TGFBR1: variants seen among roughly 807,000 people sequenced by gnomAD.
TGFBR1 encodes the protein TGF-beta receptor type-1.
Under a neutral mutation model 55.1 loss-of-function variants are expected in TGFBR1, and 20 were observed. That is an observed-to-expected ratio of 0.36 (90% CI 0.26 to 0.53). TGFBR1 has a LOEUF of 0.53. Among genes scored for constraint, TGFBR1 ranks in the 20% least tolerant of loss-of-function variants. The probability of loss-of-function intolerance (pLI) is 0.91; values close to 1 mark genes in which losing one functional copy is unlikely to be tolerated. For synonymous variants in TGFBR1, 220 were observed against 214.8 expected (o/e 1.02, Z -0.21); for missense variants, 385 against 617.6 (o/e 0.62, Z 3.99).
chr9:99,149,879 G>A lies in TGFBR1; in HGVS notation c.*574G>A, dbSNP rs201687617. On this transcript the variant is annotated 3_prime_UTR_variant, in exon 9 of 9. Coordinates refer to ENST00000374994, the MANE Select transcript of TGFBR1 (RefSeq NM_004612.4). ...AACATAATTCATGCAATTGTATTTT[G>A]TATACTATTATTGTTCTTTCACTTA... is the stretch of plus-strand genomic sequence containing the variant. The A allele has an allele frequency of 1.2e-4, 26 of 210,620 alleles. No individual in the cohort carries two copies. Among genetic ancestry groups the A allele is most frequent in the Non-Finnish European group, 1.8e-4 (19 of 103,484 alleles). 13.0% of individuals were successfully genotyped at this position (210,620 alleles called of 1,614,324 possible).
At chr9:99,130,334 C>G (rs1358528627) in intron 2 of TGFBR1, among the ~76,000 whole-genome samples, 7 of 152,226 alleles carry the variant, frequency 4.6e-5, no homozygotes, top group Admixed American at 3.9e-4. Context: ...GTTGCTCACT[C>G]TCCACTCAAA....
chr9:99,114,931 A>G (rs776741423), intron 1 of TGFBR1, among the ~76,000 whole-genome samples: 14 of 152,232 alleles, frequency 9.2e-5, no homozygotes, highest in Admixed American at 2.6e-4. Flanking sequence ...CGGAATGATT[A>G]CTTTAGGAGA....
At chr9:99,110,173 A>G (rs1398764999) in intron 1 of TGFBR1, among the ~76,000 whole-genome samples, 3 of 152,158 alleles carry the variant, frequency 2.0e-5, no homozygotes, top group Admixed American at 6.5e-5. Context: ...TTATGGTCCA[A>G]TTTTATAGAT....
chr9:99,132,072 TG>T (rs1485458383), intron 2 of TGFBR1, among the ~76,000 whole-genome samples: 2 of 152,118 alleles, frequency 1.3e-5, no homozygotes, highest in Non-Finnish European at 2.9e-5. Flanking sequence ...GATATTTTGT[TG>T]TTTTTTTTGT....
At chr9:99,129,477 G>T (rs538447190) in intron 2 of TGFBR1, among the ~76,000 whole-genome samples, 7 of 152,342 alleles carry the variant, frequency 4.6e-5, no homozygotes, top group Admixed American at 2.0e-4. Flanking sequence ...AATGAGTGGG[G>T]ATTCAGAGCA....
In TGFBR1 at chr9:99,152,630, C is replaced by T. The variant is rs1048603213; in HGVS notation, c.*3325C>T. ...ACAACAAAATCACTATCCCATTAGA[C>T]ACATCATCAAAAGCTTATTTTTATT... On this transcript the variant is annotated 3_prime_UTR_variant, in exon 9 of 9. Coordinates refer to ENST00000374994, the MANE Select transcript of TGFBR1 (RefSeq NM_004612.4). The T allele has an allele frequency of 4.4e-6, 1 of 228,232 alleles. No homozygotes were observed. The highest frequency in any genetic ancestry group is 1.8e-4 in the South Asian group (1 of 5,484). 14.1% of individuals were successfully genotyped at this position (228,232 alleles called of 1,614,324 possible).
chr9:99,144,708 C>G, intron 5 of TGFBR1, 24 bp from the exon 6 acceptor site: 1 of 1,612,992 alleles, frequency 6.2e-7, no homozygotes, highest in South Asian at 1.1e-5. Flanking sequence ...TTTAAGCAGT[C>G]ATGTTTAATT....
rs571833633 is a variant in TGFBR1, at chr9:99,146,034, C to G, written c.1131-451C>G. ...TGCTGTAGGTCTCTGTGGGTCCTGA[C>G]CCATAATTTTGGTAGGTTTTTGAAG... On this transcript the variant is annotated intron_variant, in intron 6 of 8. Transcript: ENST00000374994. The G allele has an allele frequency of 2.3e-4, 60 of 261,300 alleles. 1 individual carries two copies. Among genetic ancestry groups the G allele is most frequent in the South Asian group, 1.4e-3 (33 of 23,568 alleles). 16.2% of individuals were successfully genotyped at this position (261,300 alleles called of 1,614,324 possible).
intron 2 of TGFBR1, among the ~76,000 whole-genome samples, chr9:99,130,572 A>C (rs1204286245): frequency 1.3e-5 from 2 of 152,252 alleles, no homozygotes; most frequent in Non-Finnish European, 1.5e-5. Flanking sequence ...GAAATATCTG[A>C]ATAGATATTT....
At chr9:99,137,796 TC>T in intron 3 of TGFBR1, 62 bp from the exon 4 acceptor site, 2 of 1,396,566 alleles carry the variant, frequency 1.4e-6, no homozygotes, top group Non-Finnish European at 2.0e-6. Context: ...TTAGTGCCTA[TC>T]ATGATGTTTG....
intron 3 of TGFBR1, among the ~76,000 whole-genome samples, chr9:99,134,848 A>ATATATATG (rs1827383475): frequency 9.5e-6 from 1 of 104,926 alleles, no homozygotes; most frequent in African/African-American, 3.7e-5. Flanking sequence ...ATATATATAT[A>ATATATATG]TATATTTCTA....
In TGFBR1 at chr9:99,150,193, G is replaced by T. The variant is rs935962751; in HGVS notation, c.*888G>T. The T allele has an allele frequency of 1.1e-5, 2 of 189,498 alleles. No homozygotes were observed. The highest frequency in any genetic ancestry group is 1.2e-4 in the Admixed American group (2 of 16,212). 11.7% of individuals were successfully genotyped at this position (189,498 alleles called of 1,614,324 possible). A position where few individuals can be genotyped will look rare whatever the true frequency, so the allele number is the denominator to read the frequency against. On this transcript the variant is annotated 3_prime_UTR_variant, in exon 9 of 9. Transcript: ENST00000374994. ...AGTGGCATTAATTAGTAAATTATTA[G>T]CATGGTCATGTTTGAATATTCTCAC...
intron 3 of TGFBR1, among the ~76,000 whole-genome samples, chr9:99,136,525 T>C (rs925138560): frequency 1.3e-5 from 2 of 152,200 alleles, no homozygotes; most frequent in African/African-American, 4.8e-5. Flanking sequence ...ATAATTAGAA[T>C]TGATTATACA....
At chr9:99,142,975 C>T (rs1049709842) in intron 5 of TGFBR1, among the ~76,000 whole-genome samples, 5 of 152,108 alleles carry the variant, frequency 3.3e-5, no homozygotes, top group South Asian at 2.1e-4. Context: ...AGGAGGATTA[C>T]CTGAGCCTGG....
chr9:99,150,844 A>G lies in TGFBR1; in HGVS notation c.*1539A>G, dbSNP rs1254429431. On this transcript the variant is annotated 3_prime_UTR_variant, in exon 9 of 9. Transcript: ENST00000374994. ...GGTCTTCTTACATTAAGTTGAAACT[A>G]GCTTATAATAACTGGTTTTTACTTC... The G allele has an allele frequency of 4.5e-6, 1 of 219,780 alleles. No individual in the cohort carries two copies. The highest frequency in any genetic ancestry group is 2.2e-5 in the African/African-American group (1 of 44,658). The allele number at this position is 219,780 out of a possible 1,614,324, so 13.6% of individuals were successfully genotyped here.
upstream of TGFBR1, chr9:99,104,951 T>C (rs1826355895): frequency 5.5e-6 from 1 of 181,310 alleles, no homozygotes; most frequent in Non-Finnish European, 1.1e-5. Flanking sequence ...AAACCGGCGC[T>C]CGCGGCTGCG....
At position 99,151,179 on chromosome 9, in the gene TGFBR1, T is replaced by C. The variant is rs1827969556; in HGVS notation, c.*1874T>C. On this transcript the variant is annotated 3_prime_UTR_variant, in exon 9 of 9. Transcript: ENST00000374994. ...AATGAGTGACATATTACATAGGAAT[T>C]TAGTGTCAATTTCATGTGTTTAAAA... 4.3e-6 allele frequency: 1 copy of C among 230,234 alleles called. No homozygotes were observed. Among genetic ancestry groups the C allele is most frequent in the South Asian group, 1.8e-4 (1 of 5,502 alleles). The allele number at this position is 230,234 out of a possible 1,614,324, so 14.3% of individuals were successfully genotyped here. A position where few individuals can be genotyped will look rare whatever the true frequency, so the allele number is the denominator to read the frequency against.
chr9:99,113,868 T>C (rs1826655462), intron 1 of TGFBR1, among the ~76,000 whole-genome samples: 1 of 152,204 alleles, frequency 6.6e-6, no homozygotes, highest in East Asian at 1.9e-4. Context: ...ATGTTCCCTG[T>C]CACCCTGGAA....
In TGFBR1 at chr9:99,153,314, A is replaced by G. The variant is rs1332407361; in HGVS notation, c.*4009A>G. 2.7e-5 allele frequency: 6 copies of G among 218,814 alleles called. No individual in the cohort carries two copies. The highest frequency in any genetic ancestry group is 9.0e-5 in the African/African-American group (4 of 44,572). 13.6% of individuals were successfully genotyped at this position (218,814 alleles called of 1,614,324 possible). A position where few individuals can be genotyped will look rare whatever the true frequency, so the allele number is the denominator to read the frequency against. ...ACTCAAATGGTACTGTATTGTTTAT[A>G]TTTGTACCCCAAATAACATCGTCTG... On this transcript the variant is annotated 3_prime_UTR_variant, in exon 9 of 9. Coordinates refer to ENST00000374994, the MANE Select transcript of TGFBR1 (RefSeq NM_004612.4).
Sources: allele counts gnomAD v4.1 joint callset (sites outside exome capture counted in the v4.1 genomes callset), GRCh38; gene constraint gnomAD v4.1.1; transcripts MANE v1.5; gene names NCBI Gene and HGNC (gene_info 2026-07-23, HGNC 2026-07-21).